The following TDRD15 variants were observed in gnomAD, a reference collection of about 807,000 sequenced individuals.
TDRD15 encodes tudor domain containing 15, also known as tudor domain-containing protein 15.
For missense variants in TDRD15, 1,416 were observed against 904.7 expected (o/e 1.57, Z -7.25); for synonymous variants, 503 against 314.5 (o/e 1.60, Z -6.34).
At position 21,138,373 on chromosome 2, in the gene TDRD15, T is replaced by C. The variant is rs200436658; in HGVS notation, c.906T>C (p.Asn302=). ...FGLLCVARRR[N]GQWHRGILQQ... ...TGCTTTGTGTTGCCAGAAGGCGAAA[T>C]GGACAGTGGCATAGAGGAATTCTTC... The change falls in exon 4 of 4, where the codon AAT becomes AAC. Residue 302 remains asparagine (N), a synonymous_variant. Transcript: ENST00000405799. The C allele has an allele frequency of 2.3e-4, 165 of 716,546 alleles. No individual in the cohort carries two copies. Among genetic ancestry groups the C allele is most frequent in the Middle Eastern group, 1.8e-3 (8 of 4,362 alleles). 44.4% of individuals were successfully genotyped at this position (716,546 alleles called of 1,614,324 possible).
downstream of TDRD15, among the ~76,000 whole-genome samples, chr2:21,145,456 A>G (rs1426740494): frequency 1.3e-5 from 2 of 152,062 alleles, no homozygotes; most frequent in South Asian, 4.2e-4. Context: ...ATTCTTTAAG[A>G]ACCCACTTTG....
rs1350466592 is a variant in TDRD15 at position 21,142,216 on chromosome 2, A to T, written c.4749A>T (p.Ala1583=). The part of the protein sequence containing the change: ...ESIEKGLECL[A]KSKNTLKWHR... ...TTGAAAAAGGTTTAGAATGCTTGGC[A>T]AAATCTAAAAATACCTTGAAATGGC... The change falls in exon 4 of 4, where the codon GCA becomes GCT. Residue 1583 remains alanine (A), a synonymous_variant. Coordinates refer to ENST00000405799, the MANE Select transcript of TDRD15 (RefSeq NM_001306137.2). The T allele has an allele frequency of 1.4e-6, 1 of 692,070 alleles. No homozygotes were observed. The highest frequency in any genetic ancestry group is 2.4e-5 in the Admixed American group (1 of 42,442). The allele number at this position is 692,070 out of a possible 1,614,324, so 42.9% of individuals were successfully genotyped here.
intron 2 of TDRD15, among the ~76,000 whole-genome samples, chr2:21,134,330 ATAT>A (rs1665770045): frequency 6.6e-6 from 1 of 151,940 alleles, no homozygotes. Context: ...AAACATTCAA[ATAT>A]TATATACTAA....
chr2:21,143,092 A>T lies in TDRD15; in HGVS notation c.5625A>T (p.Lys1875Asn). ...AKIFFRDFLS[K>N]PDLVFQFREY... The stretch of plus-strand genomic sequence containing the variant: ...TCTTTTTTCGAGATTTCCTAAGTAA[A>T]CCAGACTTAGTTTTTCAGTTTAGGG... The change falls in exon 4 of 4, where the codon AAA becomes AAT. Residue 1875 changes from lysine (K) to asparagine (N), a missense_variant. Physicochemically the swap from Lys to Asn is moderately conservative, Grantham distance 94. Coordinates refer to ENST00000405799, the MANE Select transcript of TDRD15 (RefSeq NM_001306137.2). 1 of 695,722 alleles carries T rather than the reference A, an allele frequency of 1.4e-6. No individual in the cohort carries two copies. The highest frequency in any genetic ancestry group is 2.7e-5 in the East Asian group (1 of 37,050). 43.1% of individuals were successfully genotyped at this position (695,722 alleles called of 1,614,324 possible). A position where few individuals can be genotyped will look rare whatever the true frequency, so the allele number is the denominator to read the frequency against.
intron 1 of TDRD15, among the ~76,000 whole-genome samples, chr2:21,124,983 T>A (rs1487132727): frequency 1.5e-5 from 2 of 136,900 alleles, no homozygotes; most frequent in Non-Finnish European, 3.1e-5. Flanking sequence ...GAGATCCTAA[T>A]ATTGTGTGTG....
At chr2:21,134,889 A>G (rs1665778784) in intron 3 of TDRD15, 42 bp downstream of exon 3, 1 of 151,282 alleles carries the variant, frequency 6.6e-6, no homozygotes, top group African/African-American at 2.4e-5. Flanking sequence ...AAGGATTATC[A>G]TATTTGAATA....
Position 21,139,316 on chromosome 2 carries a change from A to G in TDRD15, c.1849A>G (p.Lys617Glu), listed in dbSNP as rs1665874407. The change falls in exon 4 of 4, where the codon AAA (lysine) becomes GAA (glutamate). Residue 617 changes from lysine to glutamate, a missense_variant. By Grantham distance (56) the Lys-to-Glu change is moderately conservative. Transcript: ENST00000405799. ...LWTKAAIDYF[K>E]KLVLNKAILL... ...GACTAAGGCTGCAATTGATTATTTTAAAAAATTAGTTTTGAACAAAGCAAT... is the reference window on the plus strand; with the variant it reads ...GACTAAGGCTGCAATTGATTATTTTGAAAAATTAGTTTTGAACAAAGCAAT... The G allele has an allele frequency of 1.4e-6, 1 of 706,778 alleles. No homozygotes were observed. The highest frequency in any genetic ancestry group is 1.8e-5 in the African/African-American group (1 of 56,446). The allele number at this position is 706,778 out of a possible 1,614,324, so 43.8% of individuals were successfully genotyped here.
chr2:21,139,771 A>G lies in TDRD15; in HGVS notation c.2304A>G (p.Pro768=). ...TTAAATGTTCCTGTTATTATGGCCCAGGTGACTTTTCATGCCAGCTCCAAT... is the reference window on the plus strand; with the variant it reads ...TTAAATGTTCCTGTTATTATGGCCCGGGTGACTTTTCATGCCAGCTCCAAT... ...LEVKCSCYYG[P]GDFSCQLQCK... Residue 768 remains proline (P), a synonymous_variant, in exon 4 of 4, where the codon CCA becomes CCG. Coordinates refer to ENST00000405799, the MANE Select transcript of TDRD15 (RefSeq NM_001306137.2). 1.4e-6 allele frequency: 1 copy of G among 715,464 alleles called. No homozygotes were observed. The highest frequency in any genetic ancestry group is 1.5e-5 in the South Asian group (1 of 67,548). 44.3% of individuals were successfully genotyped at this position (715,464 alleles called of 1,614,324 possible).
rs551328975 is a variant in TDRD15 at position 21,134,447 on chromosome 2, G to A, written c.-89-315G>A. Among the ~76,000 whole-genome samples, 8 of 152,060 alleles carry A rather than the reference G, an allele frequency of 5.3e-5. No homozygotes were observed. In the South Asian group the frequency reaches 1.2e-3, roughly 24 times the overall value. On this transcript the variant is annotated intron_variant, in intron 2 of 3. Transcript: ENST00000405799. ...TTTGTTTGACTCTGTGTTGGATCAT[G>A]TATGATTTTGGAAGCAGGTAGACTG...
Position 21,143,321 on chromosome 2 carries a change from AAAAC to A in TDRD15, c.*53_*56del. On this transcript the variant is annotated 3_prime_UTR_variant, in exon 4 of 4. Coordinates refer to ENST00000405799, the MANE Select transcript of TDRD15 (RefSeq NM_001306137.2). ...CATTGTTAGATCAAAATTGTTACAA[AAAAC>A]AAAATATAAATTTTACATACACTGA... The A allele has an allele frequency of 1.9e-6, 1 of 518,352 alleles. No individual in the cohort carries two copies. The allele number at this position is 518,352 out of a possible 1,614,324, so 32.1% of individuals were successfully genotyped here. A position where few individuals can be genotyped will look rare whatever the true frequency, so the allele number is the denominator to read the frequency against.
chr2:21,132,889 T>C (rs1665746709), intron 2 of TDRD15, among the ~76,000 whole-genome samples: 1 of 152,152 alleles, frequency 6.6e-6, no homozygotes, highest in South Asian at 2.1e-4. Context: ...GCTGAATAAT[T>C]CTTTGTTTGT....
At position 21,137,787 on chromosome 2, in the gene TDRD15, T is replaced by TTGCTTCAGC; in HGVS notation, c.321_329dup (p.Ala108_Ala110dup). 1.4e-6 allele frequency: 1 copy of TTGCTTCAGC among 716,608 alleles called. No homozygotes were observed. The highest frequency in any genetic ancestry group is 2.6e-6 in the Non-Finnish European group (1 of 384,486). 44.4% of individuals were successfully genotyped at this position (716,608 alleles called of 1,614,324 possible). ...GAACTAAGAGTTGCTGGTCCACAGA[T>TTGCTTCAGC]TGCTTCAGCCTGTGGCAATTTATTT... On this transcript the variant is annotated inframe_insertion, in exon 4 of 4. Transcript: ENST00000405799.
chr2:21,143,879 T>A lies in TDRD15; in HGVS notation c.*607T>A, dbSNP rs536784575. 1.5e-4 allele frequency among the ~76,000 whole-genome samples: 23 copies of A among 151,846 alleles called. No homozygotes were observed. Among genetic ancestry groups the A allele is most frequent in the Middle Eastern group, 3.4e-3 (1 of 294 alleles). ...CTTCACTATCTTTACATTTTTTGAA[T>A]GGTGAAGTTTTTAGAATGTAGTGAA... On this transcript the variant is annotated 3_prime_UTR_variant, in exon 4 of 4. Transcript: ENST00000405799.
Position 21,138,919 on chromosome 2 carries a change from C to G in TDRD15, c.1452C>G (p.Tyr484Ter), listed in dbSNP as rs1319866473. Reference protein sequence around the residue: ...KTVQMEIEAAYIAFIAYVLNP... With the variant: ...KTVQMEIEAA Reference sequence around the variant, plus strand: ...TACAAATGGAGATAGAGGCTGCCTACATAGCTTTTATAGCATATGTATTAA... The same window carrying G: ...TACAAATGGAGATAGAGGCTGCCTAGATAGCTTTTATAGCATATGTATTAA... Residue 484 changes from tyrosine to a stop codon, truncating the protein, a stop_gained, in exon 4 of 4, where the codon TAC becomes TAG. Coordinates refer to ENST00000405799, the MANE Select transcript of TDRD15 (RefSeq NM_001306137.2). LOFTEE classifies it low-confidence loss of function (END_TRUNC). 1 of 715,368 alleles carries G rather than the reference C, an allele frequency of 1.4e-6. No individual in the cohort carries two copies. The highest frequency in any genetic ancestry group is 2.7e-5 in the East Asian group (1 of 37,226). 44.3% of individuals were successfully genotyped at this position (715,368 alleles called of 1,614,324 possible).
chr2:21,140,400 A>G lies in TDRD15; in HGVS notation c.2933A>G (p.Gln978Arg). The G allele has an allele frequency of 1.4e-6, 1 of 694,148 alleles. No individual in the cohort carries two copies. The highest frequency in any genetic ancestry group is 2.7e-5 in the East Asian group (1 of 37,116). 43.0% of individuals were successfully genotyped at this position (694,148 alleles called of 1,614,324 possible). Residue 978 changes from glutamine (Q) to arginine (R), a missense_variant, in exon 4 of 4, where the codon CAA (glutamine) becomes CGA (arginine). By Grantham distance (43) the Gln-to-Arg change is conservative. Transcript: ENST00000405799. ...EVYISHIYSP[Q>R]KFYCQLGRNN... Reference sequence around the variant, plus strand: ...TATATATCTCACATATATAGTCCCCAAAAGTTTTATTGCCAGCTTGGCAGA... The same window carrying G: ...TATATATCTCACATATATAGTCCCCGAAAGTTTTATTGCCAGCTTGGCAGA...
rs2103443955 is a variant in TDRD15, at chr2:21,138,617, T to G, written c.1150T>G (p.Tyr384Asp). ...FKQALLGQVV[Y>D]AHIDWFNKDE... Reference sequence around the variant, plus strand: ...ACAGGCCTTATTAGGACAAGTGGTATATGCACACATTGATTGGTTCAATAA... The same window carrying G: ...ACAGGCCTTATTAGGACAAGTGGTAGATGCACACATTGATTGGTTCAATAA... Residue 384 changes from tyrosine to aspartate, a missense_variant, in exon 4 of 4, where the codon TAT becomes GAT. Coordinates refer to ENST00000405799, the MANE Select transcript of TDRD15 (RefSeq NM_001306137.2). 1 of 713,218 alleles carries G rather than the reference T, an allele frequency of 1.4e-6. No homozygotes were observed. The highest frequency in any genetic ancestry group is 1.5e-5 in the South Asian group (1 of 66,772). The allele number at this position is 713,218 out of a possible 1,614,324, so 44.2% of individuals were successfully genotyped here. A position where few individuals can be genotyped will look rare whatever the true frequency, so the allele number is the denominator to read the frequency against.
At position 21,140,338 on chromosome 2, in the gene TDRD15, T is replaced by C. The variant is rs1237094573; in HGVS notation, c.2871T>C (p.Ser957=). 5 of 710,646 alleles carry C rather than the reference T, an allele frequency of 7.0e-6. No individual in the cohort carries two copies. In the South Asian group the frequency reaches 7.5e-5, roughly 11 times the overall value. The allele number at this position is 710,646 out of a possible 1,614,324, so 44.0% of individuals were successfully genotyped here. The change falls in exon 4 of 4, where the codon TCT becomes TCC. Residue 957 remains serine, a synonymous_variant. Coordinates refer to ENST00000405799, the MANE Select transcript of TDRD15 (RefSeq NM_001306137.2). The part of the protein sequence containing the change: ...SLFSLYSYCY[S]SFNIQIGSEE... ...TTAGTCTTTACAGTTACTGTTATTC[T>C]TCCTTTAATATACAAATTGGAAGTG... is the stretch of plus-strand genomic sequence containing the variant.
In TDRD15 at chr2:21,138,329, A is replaced by T. The variant is rs1045320994; in HGVS notation, c.862A>T (p.Thr288Ser). ...YDTVCQETSP[T>S]CDNFGLLCVA... Reference sequence around the variant, plus strand: ...TACCGTCTGTCAAGAAACTAGTCCCACGTGTGATAATTTTGGACTGCTTTG... The same window carrying T: ...TACCGTCTGTCAAGAAACTAGTCCCTCGTGTGATAATTTTGGACTGCTTTG... The change falls in exon 4 of 4, where the codon ACG becomes TCG. Residue 288 changes from threonine (T) to serine (S), a missense_variant. Thr to Ser is a moderately conservative substitution (Grantham distance 58, BLOSUM62 1). Transcript: ENST00000405799. The T allele has an allele frequency of 7.0e-6, 5 of 716,596 alleles. No homozygotes were observed. The highest frequency in any genetic ancestry group is 1.3e-5 in the Non-Finnish European group (5 of 384,478). The allele number at this position is 716,596 out of a possible 1,614,324, so 44.4% of individuals were successfully genotyped here.
At chr2:21,126,164 C>T (rs548535892) in intron 1 of TDRD15, among the ~76,000 whole-genome samples, 7 of 152,292 alleles carry the variant, frequency 4.6e-5, no homozygotes, top group African/African-American at 1.7e-4. Flanking sequence ...ATATCCATCA[C>T]CTTCAAAGGT....
Sources: allele counts gnomAD v4.1 joint callset (sites outside exome capture counted in the v4.1 genomes callset), GRCh38; gene constraint gnomAD v4.1.1; transcripts MANE v1.5; gene names NCBI Gene and HGNC (gene_info 2026-07-23, HGNC 2026-07-21).